RUNX1: variants seen among roughly 807,000 people sequenced by gnomAD.
The protein encoded by RUNX1 is RUNX family transcription factor 1.
In RUNX1, 19 loss-of-function variants were observed where a neutral mutation model predicts 42.8. The ratio of observed to expected loss-of-function variants is 0.44; its 90% confidence interval spans 0.31 to 0.65. RUNX1 has a LOEUF of 0.65. Ranked by LOEUF, RUNX1 falls within the 30% of genes least tolerant of loss-of-function variation. The pLI, the probability that RUNX1 is intolerant of heterozygous loss-of-function variation, is 0.07. For synonymous variants in RUNX1, 271 were observed against 289.4 expected, an observed-to-expected ratio of 0.94 and a Z score of 0.64; for missense variants, 528 against 672.0, an observed-to-expected ratio of 0.79 and a Z score of 2.37.
intron 6 of RUNX1, among the ~76,000 whole-genome samples, chr21:34,849,364 T>TA (rs1569052336): frequency 1.5e-4 from 7 of 46,612 alleles, no homozygotes; most frequent in East Asian, 1.9e-3. Context: ...ATATAATATA[T>TA]TATATATACT....
At chr21:34,841,831 T>C in intron 6 of RUNX1, among the ~76,000 whole-genome samples, 1 of 152,194 alleles carries the variant, frequency 6.6e-6, no homozygotes. Flanking sequence ...ATCCAGCCAG[T>C]CCCTAGCCCT....
chr21:34,891,270 C>A (rs1332042540), intron 3 of RUNX1, among the ~76,000 whole-genome samples: 1 of 152,128 alleles, frequency 6.6e-6, no homozygotes, highest in Non-Finnish European at 1.5e-5. Flanking sequence ...AACCGATAAA[C>A]CCCGAGTTTG....
At chr21:35,022,481 A>T (rs1455838523) in intron 2 of RUNX1, among the ~76,000 whole-genome samples, 3 of 152,244 alleles carry the variant, frequency 2.0e-5, no homozygotes, top group Non-Finnish European at 4.4e-5. Context: ...ACATGTGCAG[A>T]TTTCAGCAAT....
At chr21:34,862,715 G>A (rs974712054) in intron 5 of RUNX1, among the ~76,000 whole-genome samples, 1 of 152,154 alleles carries the variant, frequency 6.6e-6, no homozygotes, top group Non-Finnish European at 1.5e-5. Context: ...GCCCACCCAA[G>A]TCCAGTATGA....
At chr21:34,818,671 T>A (rs993207221) in intron 7 of RUNX1, among the ~76,000 whole-genome samples, 2 of 152,128 alleles carry the variant, frequency 1.3e-5, no homozygotes, top group African/African-American at 4.8e-5. Context: ...AGCCAGAGAC[T>A]CAACAATTTA....
intron 2 of RUNX1, among the ~76,000 whole-genome samples, chr21:34,961,869 C>A (rs1569126619): frequency 6.6e-6 from 1 of 151,960 alleles, no homozygotes; most frequent in Non-Finnish European, 1.5e-5. Flanking sequence ...TTCAACAGTT[C>A]TTATTGTTTT....
At position 34,834,352 on chromosome 21, in the gene RUNX1, T is replaced by C. The variant is rs150491584; in HGVS notation, c.805+58A>G. Reference sequence around the variant, plus strand: ...GAAGGTGTGTGCACATGGGGGCCAGTTGTGGGTGGTGGCCCAGGTGCAGGA... The same window carrying C: ...GAAGGTGTGTGCACATGGGGGCCAGCTGTGGGTGGTGGCCCAGGTGCAGGA... On this transcript the variant is annotated intron_variant, in intron 7 of 8. Coordinates refer to ENST00000675419, the MANE Select transcript of RUNX1 (RefSeq NM_001754.5). The C allele has an allele frequency of 4.5e-6, 7 of 1,553,470 alleles. No individual in the cohort carries two copies. In the Admixed American group the frequency reaches 8.3e-5, roughly 19 times the overall value.
At chr21:34,987,801 G>A (rs2058903397) in intron 2 of RUNX1, among the ~76,000 whole-genome samples, 1 of 152,150 alleles carries the variant, frequency 6.6e-6, no homozygotes, top group East Asian at 1.9e-4. Context: ...AAGAGAAAAT[G>A]AAAGACAAGA....
intron 5 of RUNX1, among the ~76,000 whole-genome samples, chr21:34,862,742 C>T (rs1474668125): frequency 3.9e-5 from 6 of 152,164 alleles, no homozygotes; most frequent in Non-Finnish European, 7.3e-5. Context: ...CTCGATTACA[C>T]CTGTAAAGAC....
chr21:34,890,333 C>T (rs1172917444), intron 3 of RUNX1, among the ~76,000 whole-genome samples: 1 of 152,064 alleles, frequency 6.6e-6, no homozygotes, highest in Non-Finnish European at 1.5e-5. Flanking sequence ...AACTAGCGTT[C>T]GAGGATAAAA....
At chr21:34,902,099 T>C (rs1042954599) in intron 2 of RUNX1, among the ~76,000 whole-genome samples, 4 of 152,244 alleles carry the variant, frequency 2.6e-5, no homozygotes, top group Non-Finnish European at 5.9e-5. Flanking sequence ...CTGTTCCTCA[T>C]GTCCCACATG....
intron 6 of RUNX1, among the ~76,000 whole-genome samples, chr21:34,844,844 C>G (rs1007200044): frequency 1.3e-5 from 2 of 152,234 alleles, no homozygotes; most frequent in Non-Finnish European, 2.9e-5. Flanking sequence ...CCTTGCAAAG[C>G]CCTTGGACAG....
intron 7 of RUNX1, among the ~76,000 whole-genome samples, chr21:34,809,619 A>C (rs2056730782): frequency 1.3e-5 from 2 of 152,106 alleles, no homozygotes; most frequent in Admixed American, 1.3e-4. Flanking sequence ...GTCATCTCCA[A>C]CCTGCAGTCC....
intron 2 of RUNX1, among the ~76,000 whole-genome samples, chr21:34,949,350 A>G (rs941850877): frequency 3.9e-5 from 6 of 152,234 alleles, no homozygotes; most frequent in Non-Finnish European, 5.9e-5. Flanking sequence ...CCTCTGTCTT[A>G]TTGAATAGAC....
intron 6 of RUNX1, among the ~76,000 whole-genome samples, chr21:34,844,635 G>C (rs1305173463): frequency 6.6e-6 from 1 of 152,196 alleles, no homozygotes; most frequent in African/African-American, 2.4e-5. Context: ...TCCTGGACTA[G>C]ATTTATTCTG....
intron 3 of RUNX1, among the ~76,000 whole-genome samples, chr21:34,890,130 A>G (rs7281361): frequency 0.46 from 70,345 of 151,784 alleles, 20,745 homozygotes; most frequent in African/African-American, 0.85. Context: ...GCCGGGGTTG[A>G]CTGGCGTGGA....
intron 6 of RUNX1, among the ~76,000 whole-genome samples, chr21:34,854,742 T>C (rs2057472920): frequency 6.6e-6 from 1 of 151,974 alleles, no homozygotes; most frequent in Non-Finnish European, 1.5e-5. Context: ...GTTAACAGCC[T>C]GGTCCTCAAG....
intron 2 of RUNX1, among the ~76,000 whole-genome samples, chr21:34,971,429 T>C (rs564199344): frequency 2.0e-5 from 3 of 152,180 alleles, no homozygotes; most frequent in African/African-American, 7.2e-5. Flanking sequence ...ATAATTCTTT[T>C]GCTTTATCTT....
intron 2 of RUNX1, among the ~76,000 whole-genome samples, chr21:34,944,541 G>A (rs1170465255): frequency 2.0e-5 from 3 of 152,196 alleles, no homozygotes; most frequent in African/African-American, 7.2e-5. Context: ...GCTTTGGGTG[G>A]TTGGCCTCAT....
Sources: allele counts gnomAD v4.1 joint callset (sites outside exome capture counted in the v4.1 genomes callset), GRCh38; gene constraint gnomAD v4.1.1; transcripts MANE v1.5; gene names NCBI Gene and HGNC (gene_info 2026-07-23, HGNC 2026-07-21).